The following CCDC175 variants were observed in gnomAD, a reference collection of about 807,000 sequenced individuals.
CCDC175 encodes coiled-coil domain-containing protein 175.
A neutral mutation model predicts 114.6 loss-of-function variants in CCDC175; 100 were observed. That is an observed-to-expected ratio of 0.87 (90% CI 0.74 to 1.03). The LOEUF is 1.03. CCDC175 is among the 50% of genes least tolerant of loss of function. CCDC175 has a pLI of 0.00. For synonymous variants in CCDC175, 306 were observed against 308.7 expected (o/e 0.99, Z 0.09); for missense variants, 880 against 917.8 (o/e 0.96, Z 0.53).
At chr14:59,532,202 C>T (rs546094478) in intron 13 of CCDC175, among the ~76,000 whole-genome samples, 3 of 152,268 alleles carry the variant, frequency 2.0e-5, no homozygotes, top group Admixed American at 2.0e-4. Flanking sequence ...ACCATGTATA[C>T]AGCCCAAAAA....
At chr14:59,559,340 G>A (rs1040957936) in intron 7 of CCDC175, among the ~76,000 whole-genome samples, 4 of 152,140 alleles carry the variant, frequency 2.6e-5, no homozygotes, top group African/African-American at 9.7e-5. Flanking sequence ...AAAGAACAAG[G>A]ATCAAACTGC....
intron 12 of CCDC175, 53 bp downstream of exon 12, chr14:59,538,652 A>G (rs760142704): frequency 7.6e-5 from 103 of 1,363,388 alleles, no homozygotes; most frequent in Non-Finnish European, 9.3e-5. Context: ...TTAAAGGAGA[A>G]TTGCTGATAT....
intron 17 of CCDC175, among the ~76,000 whole-genome samples, chr14:59,512,808 GT>G (rs1892830602): frequency 1.1e-3 from 5 of 4,478 alleles, no homozygotes; most frequent in East Asian, 0.026. Context: ...CAGCAGGGGT[GT>G]GTGTGTGTGT....
At chr14:59,519,079 A>G (rs982861529) in intron 17 of CCDC175, among the ~76,000 whole-genome samples, 3 of 152,174 alleles carry the variant, frequency 2.0e-5, no homozygotes, top group African/African-American at 7.2e-5. Context: ...CAAAAAACCA[A>G]ACACCACATG....
chr14:59,562,013 G>T (rs868782732), intron 6 of CCDC175, among the ~76,000 whole-genome samples: 6 of 152,196 alleles, frequency 3.9e-5, no homozygotes, highest in African/African-American at 9.7e-5. Flanking sequence ...TCTCAGCCAC[G>T]CCAGGTGAGA....
chr14:59,572,755 T>C lies in CCDC175; in HGVS notation c.302A>G (p.Lys101Arg), dbSNP rs1365028135. The C allele has an allele frequency of 1.3e-6, 2 of 1,521,526 alleles. No individual in the cohort carries two copies. Among genetic ancestry groups the C allele is most frequent in the Admixed American group, 4.4e-5 (2 of 45,772 alleles). The allele number at this position is 1,521,526 out of a possible 1,614,324, so 94.3% of individuals were successfully genotyped here. A position where few individuals can be genotyped will look rare whatever the true frequency, so the allele number is the denominator to read the frequency against. ...LLEIESMELNKLYYLLETLPN... is the reference protein window; with the variant it reads ...LLEIESMELNRLYYLLETLPN... ...AAGAGTTTCCAATAGATAGTATAGTTTGTTGAGTTCCATGCTTTCAATCTC... is the reference window on the plus strand; with the variant it reads ...AAGAGTTTCCAATAGATAGTATAGTCTGTTGAGTTCCATGCTTTCAATCTC... The change falls in exon 3 of 20, where the codon AAA (lysine) becomes AGA (arginine). Residue 101 changes from lysine to arginine, a missense_variant. Physicochemically the swap from Lys to Arg is conservative, Grantham distance 26. Coordinates refer to ENST00000537690, the MANE Select transcript of CCDC175 (RefSeq NM_001164399.2).
At chr14:59,541,503 A>G (rs1357330707) in intron 10 of CCDC175, among the ~76,000 whole-genome samples, 1 of 152,220 alleles carries the variant, frequency 6.6e-6, no homozygotes, top group Non-Finnish European at 1.5e-5. Context: ...CACAAATGAA[A>G]CTTAGAATAG....
intron 14 of CCDC175, among the ~76,000 whole-genome samples, chr14:59,530,632 A>AC (rs1414987285): frequency 6.6e-6 from 1 of 152,136 alleles, no homozygotes; most frequent in Non-Finnish European, 1.5e-5. Flanking sequence ...CAGGCCAATT[A>AC]CCCATGTATT....
chr14:59,527,064 A>T (rs770071340), intron 15 of CCDC175, 31 bp downstream of exon 15: 3 of 1,148,744 alleles, frequency 2.6e-6, no homozygotes, highest in South Asian at 1.6e-5. Flanking sequence ...TAATAATAAT[A>T]AAAAAAAGAA....
At chr14:59,533,536 T>C (rs139146171) in intron 13 of CCDC175, among the ~76,000 whole-genome samples, 2 of 152,250 alleles carry the variant, frequency 1.3e-5, no homozygotes, top group South Asian at 2.1e-4. Flanking sequence ...TACACCGATA[T>C]GCTGGCTGAT....
chr14:59,534,173 C>T (rs1383306455), intron 13 of CCDC175, among the ~76,000 whole-genome samples: 1 of 152,124 alleles, frequency 6.6e-6, no homozygotes, highest in Non-Finnish European at 1.5e-5. Flanking sequence ...CTGAAAGAGA[C>T]TGTGGGGTAC....
intron 19 of CCDC175, 142 bp downstream of exon 19, chr14:59,510,504 C>A (rs1159542154): frequency 1.2e-6 from 1 of 811,252 alleles, no homozygotes; most frequent in South Asian, 1.5e-5. Context: ...AAATAAGTAT[C>A]AATGTTCAAT....
At chr14:59,537,569 C>A (rs550906905) in intron 13 of CCDC175, among the ~76,000 whole-genome samples, 1 of 152,098 alleles carries the variant, frequency 6.6e-6, no homozygotes, top group South Asian at 2.1e-4. Flanking sequence ...GTGGACCTGG[C>A]ACTTCTGGGT....
At chr14:59,530,408 G>T (rs1177588353) in intron 14 of CCDC175, among the ~76,000 whole-genome samples, 1 of 135,140 alleles carries the variant, frequency 7.4e-6, no homozygotes, top group African/African-American at 2.7e-5. Context: ...GAGACAGAGA[G>T]AGAGAGAAAG....
chr14:59,515,635 C>A (rs1045955632), intron 17 of CCDC175, among the ~76,000 whole-genome samples: 1 of 152,124 alleles, frequency 6.6e-6, no homozygotes, highest in African/African-American at 2.4e-5. Flanking sequence ...AATATATATG[C>A]ACCCAATACA....
At chr14:59,506,276 TTTTTTTTTTTTTTTC>T (rs1291397432) in intron 19 of CCDC175, among the ~76,000 whole-genome samples, 1 of 49,970 alleles carries the variant, frequency 2.0e-5, no homozygotes, top group Non-Finnish European at 3.7e-5. Flanking sequence ...AGCACAGGGA[TTTTTTTTTTTTTTTC>T]TTTTTTTTTT....
At position 59,564,993 on chromosome 14, in the gene CCDC175, C is replaced by T. The variant is rs116628860; in HGVS notation, c.720+54G>A. 1.8e-3 allele frequency: 2,279 copies of T among 1,284,976 alleles called. 35 individuals carry two copies. The African/African-American group carries it at 0.03, about 17-fold the overall frequency. 79.6% of individuals were successfully genotyped at this position (1,284,976 alleles called of 1,614,324 possible). A position where few individuals can be genotyped will look rare whatever the true frequency, so the allele number is the denominator to read the frequency against. On this transcript the variant is annotated intron_variant, in intron 5 of 19. Coordinates refer to ENST00000537690, the MANE Select transcript of CCDC175 (RefSeq NM_001164399.2). Reference sequence around the variant, plus strand: ...GGACAAATAAATTATTTCCCATTTCCTGCTCCAGATTCTATACATTATTGT... The same window carrying T: ...GGACAAATAAATTATTTCCCATTTCTTGCTCCAGATTCTATACATTATTGT...
chr14:59,548,974 A>T (rs184086001), intron 8 of CCDC175, among the ~76,000 whole-genome samples: 1 of 152,220 alleles, frequency 6.6e-6, no homozygotes, highest in African/African-American at 2.4e-5. Flanking sequence ...AAGAAGATAG[A>T]TGAGGAACTG....
In CCDC175 at chr14:59,551,396, A is replaced by G. The variant is rs1003458165; in HGVS notation, c.994T>C (p.Ser332Pro). Reference protein sequence around the residue: ...TDNKEKLDDISNDEKNEFLNK... With the variant: ...TDNKEKLDDIPNDEKNEFLNK... ...AGGAATTCATTTTTTTCATCATTAG[A>G]TATATCATCTAGTTTTTCTTTGTTA... is the stretch of plus-strand genomic sequence containing the variant. The change falls in exon 8 of 20, where the codon TCT becomes CCT. Residue 332 changes from serine (S) to proline (P), a missense_variant. By Grantham distance (74) the Ser-to-Pro change is moderately conservative. Coordinates refer to ENST00000537690, the MANE Select transcript of CCDC175 (RefSeq NM_001164399.2). The G allele has an allele frequency of 1.4e-6, 2 of 1,462,600 alleles. No individual in the cohort carries two copies. Among genetic ancestry groups the G allele is most frequent in the East Asian group, 2.5e-5 (1 of 39,356 alleles). The allele number at this position is 1,462,600 out of a possible 1,614,324, so 90.6% of individuals were successfully genotyped here.
Sources: gnomAD v4.1 joint callset for allele counts (sites outside exome capture counted in the v4.1 genomes callset) on GRCh38, gnomAD v4.1.1 for gene constraint, MANE v1.5 for transcripts, NCBI Gene and HGNC (gene_info 2026-07-23, HGNC 2026-07-21) for gene names.